PCDH11X: variants seen among roughly 807,000 people sequenced by gnomAD.
The protein encoded by PCDH11X is protocadherin-11 X-linked.
A neutral mutation model predicts 53.3 loss-of-function variants in PCDH11X; 18 were observed. That is an observed-to-expected ratio of 0.34 (90% CI 0.23 to 0.50). PCDH11X has a LOEUF of 0.50. Among genes scored for constraint, PCDH11X ranks in the 20% least tolerant of loss-of-function variants. The probability of loss-of-function intolerance (pLI) is 0.98; values close to 1 mark genes in which losing one functional copy is unlikely to be tolerated. For synonymous variants in PCDH11X, 279 were observed against 393.3 expected (o/e 0.71, Z 3.44); for missense variants, 570 against 1,032.4 (o/e 0.55, Z 6.14).
chrX:91,883,527 CG>C (rs1940020475), intron 6 of PCDH11X: 3 of 749,282 alleles, frequency 4.0e-6, no homozygotes, highest in Non-Finnish European at 4.7e-6. Context: ...TTGAGTGGGC[CG>C]GGCGCGGTGG....
chrX:91,876,389 TA>T (rs938888930), intron 5 of PCDH11X, among the ~76,000 whole-genome samples: 1 of 111,264 alleles, frequency 9.0e-6, no homozygotes, highest in African/African-American at 3.3e-5. Context: ...TTAATTAATT[TA>T]AAAAAACTGA....
intron 6 of PCDH11X, among the ~76,000 whole-genome samples, chrX:92,083,926 A>G (rs1220182943): frequency 9.1e-6 from 1 of 110,060 alleles, no homozygotes; most frequent in Non-Finnish European, 1.9e-5. Flanking sequence ...CGTCTCTACT[A>G]AAAATACAAA....
At chrX:91,907,370 AACACACACACAC>A (rs777259208) in intron 6 of PCDH11X, among the ~76,000 whole-genome samples, 2 of 36,142 alleles carry the variant, frequency 5.5e-5, no homozygotes, top group Non-Finnish European at 9.8e-5. Flanking sequence ...CACCACCCTC[AACACACACACAC>A]ACACACACAC....
chrX:92,596,705 T>G (rs1008563116), intron 10 of PCDH11X, among the ~76,000 whole-genome samples: 1 of 108,540 alleles, frequency 9.2e-6, no homozygotes, highest in Non-Finnish European at 1.9e-5. Context: ...AAACTCATTC[T>G]ACGAATCTAA....
chrX:92,094,621 C>T (rs1453143988), intron 6 of PCDH11X, among the ~76,000 whole-genome samples: 10 of 111,304 alleles, frequency 9.0e-5, no homozygotes, highest in African/African-American at 3.3e-4. Flanking sequence ...CATTTAACTG[C>T]TCTATCATGT....
intron 10 of PCDH11X, among the ~76,000 whole-genome samples, chrX:92,543,701 C>T (rs1350875640): frequency 9.2e-6 from 1 of 108,872 alleles, no homozygotes. Flanking sequence ...TGGCTTGAAT[C>T]CGGGAGGTGG....
At chrX:92,604,847 T>C (rs1015721192) in intron 10 of PCDH11X, among the ~76,000 whole-genome samples, 5 of 109,348 alleles carry the variant, frequency 4.6e-5, no homozygotes, top group East Asian at 2.8e-4. Context: ...AAGAGGAACA[T>C]TTTATCATGA....
chrX:92,399,998 G>T (rs1432422742), intron 9 of PCDH11X, among the ~76,000 whole-genome samples: 1 of 105,519 alleles, frequency 9.5e-6, no homozygotes. Context: ...TGATCCGCCC[G>T]CCTCGGCCTC....
chrX:92,572,025 T>C (rs960434094), intron 10 of PCDH11X, among the ~76,000 whole-genome samples: 1 of 112,514 alleles, frequency 8.9e-6, no homozygotes, highest in African/African-American at 3.2e-5. Flanking sequence ...AACTTGATTA[T>C]ATATGTGTAG....
At chrX:92,474,104 T>C (rs1437299980) in intron 10 of PCDH11X, among the ~76,000 whole-genome samples, 1 of 111,354 alleles carries the variant, frequency 9.0e-6, no homozygotes, top group Non-Finnish European at 1.9e-5. Flanking sequence ...TGTGGCTCAA[T>C]AATATTTGCT....
intron 8 of PCDH11X, among the ~76,000 whole-genome samples, chrX:92,331,489 A>G (rs1039338847): frequency 5.7e-5 from 6 of 106,103 alleles, no homozygotes; most frequent in African/African-American, 2.1e-4. Flanking sequence ...GTATACCAAA[A>G]GAAAATGCAT....
rs1335971842 is a variant in PCDH11X at position 92,151,425 on chromosome X, C to A, written c.3034-49950C>A. The stretch of plus-strand genomic sequence containing the variant: ...GCCAGGATGGTCTCGATCTCCTGAC[C>A]TCGTGATCCACCTGCCTCAGCCTCC... On this transcript the variant is annotated intron_variant, in intron 6 of 10. Coordinates refer to ENST00000682573, the MANE Select transcript of PCDH11X (RefSeq NM_032968.5). Among the ~76,000 whole-genome samples, 5 of 110,988 alleles carry A rather than the reference C, an allele frequency of 4.5e-5. No individual in the cohort carries two copies. The East Asian group carries it at 1.4e-3, about 31-fold the overall frequency.
At chrX:92,383,117 A>C (rs2070921213) in intron 8 of PCDH11X, among the ~76,000 whole-genome samples, 1 of 108,994 alleles carries the variant, frequency 9.2e-6, no homozygotes, top group Admixed American at 9.9e-5. Flanking sequence ...AGGCCCATTC[A>C]GTTTCATATT....
intron 6 of PCDH11X, among the ~76,000 whole-genome samples, chrX:91,960,803 G>A (rs1411412129): frequency 9.0e-6 from 1 of 110,850 alleles, no homozygotes; most frequent in Non-Finnish European, 1.9e-5. Flanking sequence ...TATTTTGAGG[G>A]TCTTGCTATC....
At chrX:92,598,585 G>A (rs1341425037) in intron 10 of PCDH11X, among the ~76,000 whole-genome samples, 3 of 95,392 alleles carry the variant, frequency 3.1e-5, no homozygotes, top group Middle Eastern at 5.1e-3. Context: ...AAAGGGAACC[G>A]CCATGCACTA....
At chrX:92,473,025 A>C (rs1224015122) in intron 10 of PCDH11X, among the ~76,000 whole-genome samples, 1 of 106,045 alleles carries the variant, frequency 9.4e-6, no homozygotes, top group Non-Finnish European at 1.9e-5. Context: ...GGGCTGAAAA[A>C]ATGTGTTTTT....
intron 7 of PCDH11X, among the ~76,000 whole-genome samples, chrX:92,241,097 A>G (rs1377877099): frequency 3.6e-5 from 4 of 111,728 alleles, no homozygotes; most frequent in Non-Finnish European, 7.5e-5. Flanking sequence ...TAAAATAGTC[A>G]TGATAAAGTT....
chrX:92,128,563 A>T (rs2064913890), intron 6 of PCDH11X, among the ~76,000 whole-genome samples: 1 of 108,164 alleles, frequency 9.2e-6, no homozygotes, highest in Non-Finnish European at 1.9e-5. Flanking sequence ...ACGCCTGGCT[A>T]ATTTTGGTAA....
intron 8 of PCDH11X, among the ~76,000 whole-genome samples, chrX:92,369,515 A>G (rs1290368922): frequency 9.1e-6 from 1 of 110,201 alleles, no homozygotes; most frequent in Non-Finnish European, 1.9e-5. Context: ...TTTCCAGGGG[A>G]GTGAATGGTT....
Sources: allele counts gnomAD v4.1 joint callset (sites outside exome capture counted in the v4.1 genomes callset), GRCh38; gene constraint gnomAD v4.1.1; transcripts MANE v1.5; gene names NCBI Gene and HGNC (gene_info 2026-07-23, HGNC 2026-07-21).